SAMD8: variants seen among roughly 807,000 people sequenced by gnomAD.
SAMD8 encodes the protein sphingomyelin synthase-related protein 1.
A neutral mutation model predicts 42.0 loss-of-function variants in SAMD8; 20 were observed. That is an observed-to-expected ratio of 0.48 (90% CI 0.34 to 0.69). The LOEUF is 0.69. SAMD8 is among the 30% of genes least tolerant of loss of function. The probability of loss-of-function intolerance (pLI) is 0.01; values close to 1 mark genes in which losing one functional copy is unlikely to be tolerated. For synonymous variants in SAMD8, 162 were observed against 173.0 expected, an observed-to-expected ratio of 0.94 and a Z score of 0.50; for missense variants, 328 against 511.6, an observed-to-expected ratio of 0.64 and a Z score of 3.46.
intron 3 of SAMD8, among the ~76,000 whole-genome samples, chr10:75,167,036 T>A (rs138354063): frequency 6.6e-6 from 1 of 152,184 alleles, no homozygotes; most frequent in Admixed American, 6.5e-5. Flanking sequence ...TTCAAAAATA[T>A]GTGATGTATG....
At chr10:75,158,824 G>A (rs1840482374) in intron 2 of SAMD8, among the ~76,000 whole-genome samples, 1 of 151,982 alleles carries the variant, frequency 6.6e-6, no homozygotes, top group African/African-American at 2.4e-5. Flanking sequence ...ATACAATATC[G>A]GGTCTTTTTG....
intron 1 of SAMD8, among the ~76,000 whole-genome samples, chr10:75,128,220 A>G (rs1320339763): frequency 6.6e-6 from 1 of 151,608 alleles, no homozygotes; most frequent in African/African-American, 2.4e-5. Context: ...TTACAGGCAC[A>G]TGCTACCACG....
chr10:75,166,371 TAGA>T (rs1840679565), intron 3 of SAMD8, among the ~76,000 whole-genome samples: 1 of 151,012 alleles, frequency 6.6e-6, no homozygotes, highest in African/African-American at 2.4e-5. Flanking sequence ...TAAAAAACTG[TAGA>T]TATGTGAGCT....
intron 1 of SAMD8, among the ~76,000 whole-genome samples, chr10:75,144,048 A>G (rs1840080903): frequency 6.6e-6 from 1 of 150,742 alleles, no homozygotes; most frequent in African/African-American, 2.4e-5. Flanking sequence ...GCTCACTGCA[A>G]CCTCTGCCTC....
chr10:75,170,277 TA>T (rs1840818742), intron 4 of SAMD8, among the ~76,000 whole-genome samples: 1 of 152,242 alleles, frequency 6.6e-6, no homozygotes, highest in African/African-American at 2.4e-5. Flanking sequence ...ATGTATGTGT[TA>T]ACACCTTTGT....
chr10:75,138,309 T>C (rs1839937154), intron 1 of SAMD8, among the ~76,000 whole-genome samples: 1 of 152,202 alleles, frequency 6.6e-6, no homozygotes, highest in Non-Finnish European at 1.5e-5. Context: ...GTGCTCCTTT[T>C]AGTCAGGTCA....
At chr10:75,149,801 C>T (rs1840238944) in intron 1 of SAMD8, among the ~76,000 whole-genome samples, 1 of 151,934 alleles carries the variant, frequency 6.6e-6, no homozygotes, top group Non-Finnish European at 1.5e-5. Context: ...GGATTTTTCT[C>T]AGTTCTCGAG....
chr10:75,172,330 A>G (rs1252944691), intron 4 of SAMD8, among the ~76,000 whole-genome samples: 1 of 151,834 alleles, frequency 6.6e-6, no homozygotes, highest in Non-Finnish European at 1.5e-5. Flanking sequence ...ATTTTATTGT[A>G]TTTTAGTCAT....
At chr10:75,099,902 TGA>T (rs1005005725) in intron 1 of SAMD8, among the ~76,000 whole-genome samples, 1 of 151,910 alleles carries the variant, frequency 6.6e-6, no homozygotes, top group African/African-American at 2.4e-5. Context: ...GACCCGAGAA[TGA>T]GAGAGGAGTG....
intron 1 of SAMD8, among the ~76,000 whole-genome samples, chr10:75,143,508 G>A (rs1185170936): frequency 6.6e-6 from 1 of 151,760 alleles, no homozygotes; most frequent in East Asian, 1.9e-4. Context: ...ACAAGTATTT[G>A]CCTTTGCTTG....
intron 4 of SAMD8, among the ~76,000 whole-genome samples, chr10:75,172,552 C>T (rs887896497): frequency 2.0e-5 from 3 of 151,516 alleles, no homozygotes; most frequent in East Asian, 3.9e-4. Flanking sequence ...GGCTAGCGTG[C>T]GGTGGTGCGA....
intron 1 of SAMD8, among the ~76,000 whole-genome samples, chr10:75,123,718 AGTCTCACT>A (rs1849059916): frequency 6.7e-6 from 1 of 150,150 alleles, no homozygotes; most frequent in South Asian, 2.1e-4. Flanking sequence ...TTTGAGGTGG[AGTCTCACT>A]GTCTCCCAGG....
chr10:75,174,388 C>A (rs1840940868), intron 4 of SAMD8, among the ~76,000 whole-genome samples: 1 of 151,094 alleles, frequency 6.6e-6, no homozygotes, highest in South Asian at 2.1e-4. Context: ...CTCGGCCTCC[C>A]AAAGTGCTGG....
At position 75,174,212 on chromosome 10, in the gene SAMD8, C is replaced by A. The variant is rs75849248; in HGVS notation, c.793-1854C>A. On this transcript the variant is annotated intron_variant, in intron 4 of 5. Coordinates refer to ENST00000542569, the MANE Select transcript of SAMD8 (RefSeq NM_001174156.2). Reference sequence around the variant, plus strand: ...TGGCGCGATCTCTGTTCACTGCAAGCTCCACCTACCGGGTTCACGCCATTC... The same window carrying A: ...TGGCGCGATCTCTGTTCACTGCAAGATCCACCTACCGGGTTCACGCCATTC... Among the ~76,000 whole-genome samples, 64 of 152,264 alleles carry A rather than the reference C, an allele frequency of 4.2e-4. 1 individual carries two copies. The East Asian group carries it at 0.012, about 28-fold the overall frequency.
Position 75,164,718 on chromosome 10 carries a change from G to A in SAMD8, c.652G>A (p.Val218Ile), listed in dbSNP as rs1564693871. Residue 218 changes from valine to isoleucine, a missense_variant, in exon 3 of 6, where the codon GTT (valine) becomes ATT (isoleucine). By Grantham distance (29) the Val-to-Ile change is conservative. Coordinates refer to ENST00000542569, the MANE Select transcript of SAMD8 (RefSeq NM_001174156.2). ...GMILCYIWLL[V>I]LLLHKHRSIL... The stretch of plus-strand genomic sequence containing the variant: ...GATTCTGTGCTATATTTGGCTCCTG[G>A]TTCTTCTTCTTCACAAGCACAGGTA... The A allele has an allele frequency of 6.8e-6, 11 of 1,613,638 alleles. No homozygotes were observed. The highest frequency in any genetic ancestry group is 8.5e-6 in the Non-Finnish European group (10 of 1,179,680).
At chr10:75,126,637 G>A (rs1849145447) in intron 1 of SAMD8, among the ~76,000 whole-genome samples, 1 of 151,574 alleles carries the variant, frequency 6.6e-6, no homozygotes, top group South Asian at 2.1e-4. Context: ...GAGGACCTGG[G>A]ACTATAGGCA....
rs530540450 is a variant in SAMD8 at position 75,147,142 on chromosome 10, GA to G, written c.-15-3365del. On this transcript the variant is annotated intron_variant, in intron 1 of 5. Coordinates refer to ENST00000542569, the MANE Select transcript of SAMD8 (RefSeq NM_001174156.2). The stretch of plus-strand genomic sequence containing the variant: ...AAAGAACTGGTGAGCTAAGACAGTG[GA>G]AAAAAACATATAAAAGAAGAGAAGA... 6.6e-4 allele frequency among the ~76,000 whole-genome samples: 101 copies of G among 152,118 alleles called. No homozygotes were observed. In the East Asian group the frequency reaches 0.019, roughly 29 times the overall value.
At chr10:75,123,592 G>A (rs914469766) in intron 1 of SAMD8, among the ~76,000 whole-genome samples, 3 of 152,164 alleles carry the variant, frequency 2.0e-5, no homozygotes, top group African/African-American at 7.2e-5. Flanking sequence ...TGGAAATGGG[G>A]CTGGTTTTTT....
chr10:75,165,344 G>A (rs1035290200), intron 3 of SAMD8, among the ~76,000 whole-genome samples: 2 of 151,626 alleles, frequency 1.3e-5, no homozygotes, highest in Admixed American at 6.6e-5. Flanking sequence ...TTAGATGGAA[G>A]AAATTTTCTC....
Sources: gnomAD v4.1 joint callset for allele counts (sites outside exome capture counted in the v4.1 genomes callset) on GRCh38, gnomAD v4.1.1 for gene constraint, MANE v1.5 for transcripts, NCBI Gene and HGNC (gene_info 2026-07-23, HGNC 2026-07-21) for gene names.